LIPA: variants seen among roughly 807,000 people sequenced by gnomAD.
LIPA encodes the protein lipase A, lysosomal acid type.
A neutral mutation model predicts 40.6 loss-of-function variants in LIPA; 26 were observed. The ratio of observed to expected loss-of-function variants is 0.64; its 90% CI spans 0.47 to 0.89. The LOEUF is 0.89. LIPA is among the 40% of genes least tolerant of loss of function. The probability of loss-of-function intolerance (pLI) is 0.00; values close to 1 mark genes in which losing one functional copy is unlikely to be tolerated. For synonymous variants in LIPA, 188 were observed against 168.4 expected, an observed-to-expected ratio of 1.12 and a Z score of -0.90; for missense variants, 455 against 479.6, an observed-to-expected ratio of 0.95 and a Z score of 0.48.
intron 2 of LIPA, among the ~76,000 whole-genome samples, chr10:89,400,872 T>C (rs893276665): frequency 1.3e-5 from 2 of 152,198 alleles, no homozygotes; most frequent in Admixed American, 1.3e-4. Context: ...TTTTTCACCA[T>C]TGAATATGAT....
intron 2 of LIPA, among the ~76,000 whole-genome samples, chr10:89,366,739 A>T (rs1176774382): frequency 1.3e-5 from 2 of 152,244 alleles, no homozygotes; most frequent in Non-Finnish European, 2.9e-5. Context: ...ACTGTAAACC[A>T]GTTCAACCAC....
At chr10:89,323,954 C>T (rs956775477) in intron 1 of LIPA, among the ~76,000 whole-genome samples, 1 of 152,088 alleles carries the variant, frequency 6.6e-6, no homozygotes, top group African/African-American at 2.4e-5. Flanking sequence ...ACAAAAAGTG[C>T]TCAAATACCC....
chr10:89,329,826 T>C (rs1458030134), intron 1 of LIPA, among the ~76,000 whole-genome samples: 1 of 152,150 alleles, frequency 6.6e-6, no homozygotes, highest in African/African-American at 2.4e-5. Context: ...AACAAGGCTG[T>C]TTATTTCACC....
rs142103943 is a variant in LIPA at position 89,354,368 on chromosome 10, T to C, written c.61+58423A>G. Among the ~76,000 whole-genome samples, 1,384 of 152,338 alleles carry C rather than the reference T, an allele frequency of 9.1e-3. 11 individuals carry two copies. Among genetic ancestry groups the C allele is most frequent in the Middle Eastern group, 0.024 (7 of 294 alleles). On this transcript the variant is annotated intron_variant, in intron 2 of 8. Coordinates refer to the LIPA transcript ENST00000371837. ...GTATAAAACCAAGCTGTGCCCTACC[T>C]TGGGCACATGTCCTCAGGATCTCCT...
At chr10:89,325,350 C>A (rs1843592703) in intron 1 of LIPA, among the ~76,000 whole-genome samples, 1 of 152,188 alleles carries the variant, frequency 6.6e-6, no homozygotes, top group African/African-American at 2.4e-5. Context: ...TTCAACCCAG[C>A]AATCCTATTA....
upstream of LIPA, among the ~76,000 whole-genome samples, chr10:89,343,480 C>A (rs563031428): frequency 6.6e-6 from 1 of 152,156 alleles, no homozygotes; most frequent in South Asian, 2.1e-4. Context: ...CATTGTCTTG[C>A]GGAAGAGGAA....
chr10:89,316,745 C>T (rs1374689150), intron 1 of LIPA, among the ~76,000 whole-genome samples: 3 of 152,236 alleles, frequency 2.0e-5, no homozygotes, highest in African/African-American at 7.2e-5. Context: ...AGTTTGAGAT[C>T]TGAGAATGGA....
In LIPA at chr10:89,215,078, C is replaced by A; in HGVS notation, c.967-17G>T. 6.5e-7 allele frequency: 1 copy of A among 1,532,078 alleles called. No homozygotes were observed. Among genetic ancestry groups the A allele is most frequent in the Middle Eastern group, 1.7e-4 (1 of 5,898 alleles). The allele number at this position is 1,532,078 out of a possible 1,614,324, so 94.9% of individuals were successfully genotyped here. A position where few individuals can be genotyped will look rare whatever the true frequency, so the allele number is the denominator to read the frequency against. On this transcript the variant is annotated splice_polypyrimidine_tract_variant and intron_variant, in intron 9 of 9. Coordinates refer to ENST00000336233, the MANE Select transcript of LIPA (RefSeq NM_000235.4). ...AGGATAACTCTACAATGAAAAGGAA[C>A]CAGAGAAAGCCTCGTTGTTGTTGTT...
rs143366717 is a variant in LIPA at position 89,237,729 on chromosome 10, C to A, written c.229+7947G>T. ...AGATTGGTTCCATTGATGCTTTTTT[C>A]CTGAAGTCAGGAAGTGCTTTGCCAG... On this transcript the variant is annotated intron_variant, in intron 3 of 9. Coordinates refer to ENST00000336233, the MANE Select transcript of LIPA (RefSeq NM_000235.4). Among the ~76,000 whole-genome samples, 13 of 152,228 alleles carry A rather than the reference C, an allele frequency of 8.5e-5. No individual in the cohort carries two copies. The East Asian group carries it at 2.5e-3, about 29-fold the overall frequency.
intron 1 of LIPA, among the ~76,000 whole-genome samples, chr10:89,335,753 G>A (rs7907230): frequency 0.056 from 8,546 of 152,050 alleles, 664 homozygotes; most frequent in African/African-American, 0.18. Flanking sequence ...CTATTGATCT[G>A]AGACTCACAC....
At chr10:89,298,849 G>A (rs185096223) in intron 1 of LIPA, among the ~76,000 whole-genome samples, 13 of 152,042 alleles carry the variant, frequency 8.6e-5, no homozygotes, top group East Asian at 3.9e-4. Flanking sequence ...AGCCAGGCAC[G>A]GTGGTACATG....
intron 2 of LIPA, chr10:89,403,921 A>T (rs1844486234): frequency 2.2e-6 from 1 of 459,142 alleles, no homozygotes; most frequent in Admixed American, 3.9e-5. Context: ...CATTTGTATG[A>T]GTGCTATGTA....
chr10:89,376,436 C>G (rs186029802), intron 2 of LIPA, among the ~76,000 whole-genome samples: 1 of 152,130 alleles, frequency 6.6e-6, no homozygotes. Context: ...TCTTATGTGA[C>G]GTTCCTTTTC....
chr10:89,235,419 G>T (rs1448755022), intron 3 of LIPA, among the ~76,000 whole-genome samples: 2 of 152,250 alleles, frequency 1.3e-5, no homozygotes, highest in African/African-American at 4.8e-5. Context: ...CCTGGAGATG[G>T]CAAGTGATTT....
intron 1 of LIPA, among the ~76,000 whole-genome samples, chr10:89,287,999 T>A (rs1297872037): frequency 2.0e-5 from 3 of 152,222 alleles, no homozygotes; most frequent in Non-Finnish European, 4.4e-5. Context: ...CATCCCAGCC[T>A]CTTTTCACTT....
rs553701523 is a variant in LIPA, at chr10:89,274,919, G to T, written c.-1-27270C>A. Among the ~76,000 whole-genome samples the T allele has an allele frequency of 4.6e-4, 70 of 152,312 alleles. No homozygotes were observed. In the South Asian group the frequency reaches 0.014, roughly 30 times the overall value. On this transcript the variant is annotated intron_variant, in intron 1 of 5. Coordinates refer to the LIPA transcript ENST00000282673. ...TATGACTTCTGCCATCATTGCAGAA[G>T]TCAAGAATGCATTTTATTCTTTAAT...
chr10:89,302,087 C>G, intron 1 of LIPA: 2 of 1,613,560 alleles, frequency 1.2e-6, no homozygotes, highest in Non-Finnish European at 1.7e-6. Context: ...CTGCCTGAAC[C>G]GAGCCCTGCC....
At chr10:89,408,232 TTC>T (rs1841441805) in intron 2 of LIPA, among the ~76,000 whole-genome samples, 4 of 152,164 alleles carry the variant, frequency 2.6e-5, no homozygotes, top group Admixed American at 2.0e-4. Flanking sequence ...GGCCCCAATA[TTC>T]TCTCTCTGAT....
At chr10:89,385,635 TCAGGAGTTCTA>T (rs1344046123) in intron 2 of LIPA, among the ~76,000 whole-genome samples, 3 of 152,200 alleles carry the variant, frequency 2.0e-5, no homozygotes. Context: ...GGAGGGAATT[TCAGGAGTTCTA>T]CAGCATTCTA....
Sources: allele counts gnomAD v4.1 joint callset (sites outside exome capture counted in the v4.1 genomes callset), GRCh38; gene constraint gnomAD v4.1.1; transcripts MANE v1.5; gene names NCBI Gene and HGNC (gene_info 2026-07-23, HGNC 2026-07-21).